Variants in HHIP observed in about 807,000 individuals in gnomAD.
HHIP encodes the protein hedgehog-interacting protein.
In HHIP, 12 loss-of-function variants were observed where a neutral mutation model predicts 74.0. The ratio of observed to expected loss-of-function variants is 0.16; its 90% CI spans 0.10 to 0.26. HHIP has a LOEUF of 0.26. Ranked by LOEUF, HHIP falls within the 10% of genes least tolerant of loss-of-function variation. The pLI is 1.00. For missense variants in HHIP, 788 were observed against 845.0 expected (o/e 0.93, Z 0.84); for synonymous variants, 309 against 311.6 (o/e 0.99, Z 0.09).
At chr4:144,677,367 C>G (rs758089510) in intron 4 of HHIP, among the ~76,000 whole-genome samples, 5 of 152,206 alleles carry the variant, frequency 3.3e-5, no homozygotes, top group Non-Finnish European at 7.3e-5. Flanking sequence ...CAGGCTTTCT[C>G]CTTGCAGCAC....
intron 4 of HHIP, among the ~76,000 whole-genome samples, chr4:144,702,579 C>T (rs1351456001): frequency 6.6e-6 from 1 of 152,134 alleles, no homozygotes; most frequent in Non-Finnish European, 1.5e-5. Context: ...TCCAGTAGGG[C>T]TGTCCAGAAG....
chr4:144,719,894 A>G (rs940971899), intron 11 of HHIP, among the ~76,000 whole-genome samples: 1 of 152,232 alleles, frequency 6.6e-6, no homozygotes, highest in Non-Finnish European at 1.5e-5. Context: ...TGAAAAGTTT[A>G]CTAAGGGCAC....
intron 10 of HHIP, 150 bp downstream of exon 10, chr4:144,715,580 T>A (rs6537310): frequency 3.2e-6 from 2 of 624,196 alleles, no homozygotes; most frequent in Non-Finnish European, 5.2e-6. Flanking sequence ...GAGATTAAGA[T>A]AGTCCAGTTA....
At chr4:144,699,577 G>T (rs553968191) in intron 4 of HHIP, among the ~76,000 whole-genome samples, 1 of 152,158 alleles carries the variant, frequency 6.6e-6, no homozygotes, top group Admixed American at 6.5e-5. Context: ...GGTTCCTCTG[G>T]CTGCAAGCCC....
chr4:144,706,561 G>A lies in HHIP; in HGVS notation c.862G>A (p.Ala288Thr), dbSNP rs146905204. The A allele has an allele frequency of 1.9e-5, 30 of 1,611,936 alleles. 1 individual carries two copies. The highest frequency in any genetic ancestry group is 1.5e-4 in the South Asian group (14 of 90,602). The part of the protein sequence containing the change: ...GGDERGLLSL[A>T]FHPNYKKNGK... ...AGATGAAAGAGGACTGCTAAGCCTC[G>A]CATTCCATCCCAATTACAAGAAAAA... Residue 288 changes from alanine to threonine, a missense_variant, in exon 5 of 13, where the codon GCA becomes ACA. Physicochemically the swap from Ala to Thr is moderately conservative, Grantham distance 58. Coordinates refer to ENST00000296575, the MANE Select transcript of HHIP (RefSeq NM_022475.3).
At chr4:144,661,202 T>C (rs1728704927) in intron 4 of HHIP, 1 of 152,172 alleles carries the variant, frequency 6.6e-6, no homozygotes, top group African/African-American at 2.4e-5. Flanking sequence ...TGATGATTCA[T>C]TGCCATATTC....
chr4:144,666,016 C>T (rs905100043), intron 4 of HHIP, among the ~76,000 whole-genome samples: 1 of 152,200 alleles, frequency 6.6e-6, no homozygotes, highest in Non-Finnish European at 1.5e-5. Context: ...TAGAAAACGT[C>T]TGCCGTCTTT....
intron 4 of HHIP, among the ~76,000 whole-genome samples, chr4:144,678,607 T>C (rs1439255585): frequency 6.6e-6 from 1 of 152,154 alleles, no homozygotes; most frequent in Non-Finnish European, 1.5e-5. Flanking sequence ...ATGTTCTCAT[T>C]CTTCAACTCC....
intron 7 of HHIP, among the ~76,000 whole-genome samples, chr4:144,710,698 C>G (rs1730272310): frequency 6.6e-6 from 1 of 152,082 alleles, no homozygotes; most frequent in African/African-American, 2.4e-5. Context: ...TTTTGGTTTT[C>G]ACAATTAGAG....
chr4:144,688,252 T>C (rs1005220058), intron 4 of HHIP, among the ~76,000 whole-genome samples: 1 of 152,128 alleles, frequency 6.6e-6, no homozygotes, highest in Non-Finnish European at 1.5e-5. Flanking sequence ...GCTTTCAGAA[T>C]AGCTTGTTGT....
intron 11 of HHIP, among the ~76,000 whole-genome samples, chr4:144,733,548 A>G (rs1731020520): frequency 6.6e-6 from 1 of 152,202 alleles, no homozygotes. Flanking sequence ...TTGAGTCTAC[A>G]GGGCTTAATT....
At chr4:144,687,791 A>G (rs1205113606) in intron 4 of HHIP, among the ~76,000 whole-genome samples, 2 of 112,340 alleles carry the variant, frequency 1.8e-5, no homozygotes, top group South Asian at 2.8e-4. Context: ...CTATTGGCCT[A>G]TAGGTCATCT....
intron 2 of HHIP, among the ~76,000 whole-genome samples, chr4:144,656,667 A>T (rs1220034452): frequency 6.6e-6 from 1 of 152,232 alleles, no homozygotes. Context: ...ATATCCAGTT[A>T]TAAATATGAC....
At chr4:144,665,493 T>C (rs1346188800) in intron 4 of HHIP, among the ~76,000 whole-genome samples, 1 of 152,226 alleles carries the variant, frequency 6.6e-6, no homozygotes, top group African/African-American at 2.4e-5. Context: ...CTGTGAAAAA[T>C]GTCATTTTCA....
chr4:144,737,654 C>CT lies in HHIP; in HGVS notation c.1910-104dup, dbSNP rs1174716238. On this transcript the variant is annotated intron_variant, in intron 12 of 12. Coordinates refer to ENST00000296575, the MANE Select transcript of HHIP (RefSeq NM_022475.3). Reference sequence around the variant, plus strand: ...AGATCATTTTGTAACTATCTCCCTCCTTTTTTCCCTCGCTTCCCTTATTCA... The same window carrying CT: ...AGATCATTTTGTAACTATCTCCCTCCTTTTTTTCCCTCGCTTCCCTTATTCA... 1.7e-5 allele frequency: 16 copies of CT among 940,752 alleles called. No individual in the cohort carries two copies. The Middle Eastern group carries it at 7.0e-4, about 41-fold the overall frequency. 58.3% of individuals were successfully genotyped at this position (940,752 alleles called of 1,614,324 possible).
chr4:144,738,153 T>G lies in HHIP; in HGVS notation c.*196T>G. 1 of 1,218,800 alleles carries G rather than the reference T, an allele frequency of 8.2e-7. No individual in the cohort carries two copies. The highest frequency in any genetic ancestry group is 1.0e-6 in the Non-Finnish European group (1 of 977,620). 75.5% of individuals were successfully genotyped at this position (1,218,800 alleles called of 1,614,324 possible). On this transcript the variant is annotated 3_prime_UTR_variant, in exon 13 of 13. Transcript: ENST00000296575. ...TGTTCACATATGCACATACACATACTCATAACCCCTATATGCGTTGTTGCA... is the reference window on the plus strand; with the variant it reads ...TGTTCACATATGCACATACACATACGCATAACCCCTATATGCGTTGTTGCA...
intron 9 of HHIP, among the ~76,000 whole-genome samples, chr4:144,714,689 TATAA>T (rs1379668210): frequency 6.6e-6 from 1 of 152,196 alleles, no homozygotes; most frequent in Non-Finnish European, 1.5e-5. Flanking sequence ...TTACTTGCTG[TATAA>T]ATATTTTAAA....
rs2126701867 is a variant in HHIP at position 144,741,977 on chromosome 4, C to T, written c.*4020C>T. ...CTGTCAGTGTTCACCTCCTCTCCCT[C>T]CCTCCTTCTCTCTCTCTCTCCCCCT... On this transcript the variant is annotated 3_prime_UTR_variant, in exon 13 of 13. Coordinates refer to ENST00000296575, the MANE Select transcript of HHIP (RefSeq NM_022475.3). 1 of 152,084 alleles carries T rather than the reference C, an allele frequency of 6.6e-6. No individual in the cohort carries two copies. Among genetic ancestry groups the T allele is most frequent in the African/African-American group, 2.4e-5 (1 of 41,488 alleles). 9.4% of individuals were successfully genotyped at this position (152,084 alleles called of 1,614,324 possible).
chr4:144,720,641 G>C (rs1234726844), intron 11 of HHIP, among the ~76,000 whole-genome samples: 1 of 152,006 alleles, frequency 6.6e-6, no homozygotes, highest in South Asian at 2.1e-4. Context: ...TTCTCATTAT[G>C]GTGCCTGTTT....
Sources: gnomAD v4.1 joint callset for allele counts (sites outside exome capture counted in the v4.1 genomes callset) on GRCh38, gnomAD v4.1.1 for gene constraint, MANE v1.5 for transcripts, NCBI Gene and HGNC (gene_info 2026-07-23, HGNC 2026-07-21) for gene names.